FRMD4B: variants seen among roughly 807,000 people sequenced by gnomAD.
FRMD4B encodes FERM domain containing 4B.
In FRMD4B, 74 loss-of-function variants were observed where a neutral mutation model predicts 141.5. The ratio of observed to expected loss-of-function variants is 0.52; its 90% CI spans 0.43 to 0.63. FRMD4B has a LOEUF of 0.63. Ranked by LOEUF, FRMD4B falls within the 30% of genes least tolerant of loss-of-function variation. FRMD4B has a pLI of 0.00. For missense variants in FRMD4B, 1,366 were observed against 1,253.4 expected (o/e 1.09, Z -1.36); for synonymous variants, 506 against 467.9 (o/e 1.08, Z -1.05).
intron 1 of FRMD4B, among the ~76,000 whole-genome samples, chr3:69,532,713 GT>G (rs1483325178): frequency 6.6e-6 from 1 of 152,210 alleles, no homozygotes; most frequent in Non-Finnish European, 1.5e-5. Context: ...CTTTGTGCCT[GT>G]CCCGCATTCT....
At chr3:69,241,069 A>C (rs1575647486) in intron 7 of FRMD4B, among the ~76,000 whole-genome samples, 1 of 152,314 alleles carries the variant, frequency 6.6e-6, no homozygotes, top group East Asian at 1.9e-4. Flanking sequence ...GAAACTGAGA[A>C]CTCAAATGGG....
intron 5 of FRMD4B, among the ~76,000 whole-genome samples, chr3:69,251,492 A>C (rs1223138427): frequency 6.6e-6 from 1 of 152,238 alleles, no homozygotes; most frequent in East Asian, 1.9e-4. Flanking sequence ...ATAAAATAAA[A>C]TGAACAAATA....
intron 1 of FRMD4B, among the ~76,000 whole-genome samples, chr3:69,507,259 G>C (rs1232507142): frequency 6.6e-6 from 1 of 152,100 alleles, no homozygotes; most frequent in African/African-American, 2.4e-5. Context: ...TTCAGTGAAA[G>C]GTCCATCTCT....
intron 1 of FRMD4B, among the ~76,000 whole-genome samples, chr3:69,342,415 T>TA (rs1290691974): frequency 2.6e-5 from 4 of 152,206 alleles, no homozygotes; most frequent in Non-Finnish European, 5.9e-5. Context: ...GGCTAATGAA[T>TA]AACTGGTTTC....
rs1216737038 is a variant in FRMD4B, at chr3:69,216,310, T to C, written c.829A>G (p.Lys277Glu). 5.7e-6 allele frequency: 9 copies of C among 1,578,634 alleles called. No individual in the cohort carries two copies. Among genetic ancestry groups the C allele is most frequent in the Non-Finnish European group, 5.2e-6 (6 of 1,157,040 alleles). Reference protein sequence around the residue: ...GLPWWLGISYKGIGQYDIQDK... With the variant: ...GLPWWLGISYEGIGQYDIQDK... ...TGTATATCATATTGGCCAATTCCCT[T>C]ATAGCTTATTCCAAGCCACCAAGGA... Residue 277 changes from lysine (K) to glutamate (E), a missense_variant, in exon 11 of 23, where the codon AAG becomes GAG. By Grantham distance (56) the Lys-to-Glu change is moderately conservative (BLOSUM62 1). Transcript: ENST00000398540.
At chr3:69,480,209 T>C (rs1706094841) in intron 1 of FRMD4B, among the ~76,000 whole-genome samples, 1 of 152,276 alleles carries the variant, frequency 6.6e-6, no homozygotes, top group African/African-American at 2.4e-5. Context: ...TCTCAACTTG[T>C]CAAAGTCATT....
intron 7 of FRMD4B, among the ~76,000 whole-genome samples, chr3:69,233,739 T>G (rs796520569): frequency 1.8e-4 from 27 of 152,140 alleles, no homozygotes; most frequent in African/African-American, 6.3e-4. Flanking sequence ...AGCCAAGAAC[T>G]CTATTTAGTA....
intron 22 of FRMD4B, among the ~76,000 whole-genome samples, chr3:69,174,576 C>T (rs2092623207): frequency 6.6e-6 from 1 of 152,138 alleles, no homozygotes; most frequent in African/African-American, 2.4e-5. Flanking sequence ...CACAAACACA[C>T]AATAGGGATC....
At chr3:69,257,018 C>T (rs2093497423) in intron 5 of FRMD4B, among the ~76,000 whole-genome samples, 1 of 152,098 alleles carries the variant, frequency 6.6e-6, no homozygotes. Flanking sequence ...AGGCAGCATC[C>T]CTGGCCTCTA....
At chr3:69,260,538 G>A (rs1222432131) in intron 5 of FRMD4B, among the ~76,000 whole-genome samples, 3 of 152,178 alleles carry the variant, frequency 2.0e-5, no homozygotes, top group East Asian at 1.9e-4. Context: ...CCTGCAGCCC[G>A]CCATGCCTGA....
rs1559675755 is a variant in FRMD4B, at chr3:69,169,458, A to G, written c.*2403T>C. 6.6e-6 allele frequency among the ~76,000 whole-genome samples: 1 copy of G among 151,420 alleles called. No individual in the cohort carries two copies. Among genetic ancestry groups the G allele is most frequent in the Non-Finnish European group, 1.5e-5 (1 of 67,962 alleles). On this transcript the variant is annotated 3_prime_UTR_variant, in exon 23 of 23. Coordinates refer to ENST00000398540, the MANE Select transcript of FRMD4B (RefSeq NM_015123.3). ...CTGCAACCTCCGCCTCCTGGGCTCA[A>G]GATATCCTCCCAACTCAGCCTCCCA...
intron 11 of FRMD4B, among the ~76,000 whole-genome samples, chr3:69,215,004 C>T (rs1433745993): frequency 4.6e-5 from 7 of 151,764 alleles, no homozygotes; most frequent in Non-Finnish European, 7.4e-5. Context: ...CTCAGCCTCC[C>T]GAGGAGCTGG....
intron 1 of FRMD4B, among the ~76,000 whole-genome samples, chr3:69,350,397 A>C (rs1703100096): frequency 6.6e-6 from 1 of 152,196 alleles, no homozygotes; most frequent in African/African-American, 2.4e-5. Context: ...TAGTTCAACC[A>C]TTGTGGAAGA....
intron 22 of FRMD4B, among the ~76,000 whole-genome samples, chr3:69,175,223 C>G (rs2092631290): frequency 6.6e-6 from 1 of 152,168 alleles, no homozygotes. Flanking sequence ...GTCTGAAGCA[C>G]TATGACTTAA....
At chr3:69,338,865 C>G (rs576231349) in intron 1 of FRMD4B, among the ~76,000 whole-genome samples, 47 of 152,082 alleles carry the variant, frequency 3.1e-4, no homozygotes, top group African/African-American at 1.1e-3. Context: ...ACAAAAAAAC[C>G]CCAATAAAAT....
chr3:69,264,819 T>G (rs1217909303), intron 5 of FRMD4B, among the ~76,000 whole-genome samples: 2 of 152,152 alleles, frequency 1.3e-5, no homozygotes, highest in Non-Finnish European at 2.9e-5. Flanking sequence ...GTATCACAGT[T>G]TCAAAGACAT....
chr3:69,481,587 T>G (rs1038974660), intron 1 of FRMD4B, among the ~76,000 whole-genome samples: 4 of 152,164 alleles, frequency 2.6e-5, no homozygotes, highest in Non-Finnish European at 4.4e-5. Context: ...AAGGAGGTAC[T>G]CAGGGGCTCA....
At chr3:69,376,489 T>A (rs1482303120) in intron 1 of FRMD4B, among the ~76,000 whole-genome samples, 4 of 152,048 alleles carry the variant, frequency 2.6e-5, no homozygotes, top group Non-Finnish European at 4.4e-5. Context: ...ACAGCAAGGT[T>A]ACATAAAAGT....
At position 69,523,330 on chromosome 3, in the gene FRMD4B, A is replaced by G. The variant is rs113347567; in HGVS notation, c.-129+18876T>C. 8.6e-3 allele frequency among the ~76,000 whole-genome samples: 1,305 copies of G among 152,278 alleles called. 21 individuals carry two copies. Among genetic ancestry groups the G allele is most frequent in the African/African-American group, 0.029 (1,196 of 41,560 alleles). On this transcript the variant is annotated intron_variant, in intron 1 of 5. Coordinates refer to the FRMD4B transcript ENST00000459638. Reference sequence around the variant, plus strand: ...GCCTTGAAAGCTATTGGAAAGCTCAATGTAAAATAAGGTTAAGGCCCATTC... The same window carrying G: ...GCCTTGAAAGCTATTGGAAAGCTCAGTGTAAAATAAGGTTAAGGCCCATTC...
Sources: allele counts gnomAD v4.1 joint callset (sites outside exome capture counted in the v4.1 genomes callset), GRCh38; gene constraint gnomAD v4.1.1; transcripts MANE v1.5; gene names NCBI Gene and HGNC (gene_info 2026-07-23, HGNC 2026-07-21).